DLGAP1: variants seen among roughly 807,000 people sequenced by gnomAD.
DLGAP1 encodes the protein DLG associated protein 1, also known as disks large-associated protein 1.
DLGAP1 carries 11 observed loss-of-function variants against 90.8 expected under a neutral mutation model. The observed-to-expected ratio is 0.12, with a 90% CI of 0.08 to 0.20. The LOEUF is 0.20. DLGAP1 is among the 10% of genes least tolerant of loss of function. The pLI is 1.00. For synonymous variants in DLGAP1, 558 were observed against 540.7 expected, an observed-to-expected ratio of 1.03 and a Z score of -0.44; for missense variants, 1,050 against 1,333.8, an observed-to-expected ratio of 0.79 and a Z score of 3.31.
intron 1 of DLGAP1, among the ~76,000 whole-genome samples, chr18:4,406,002 T>C (rs935879929): frequency 2.6e-5 from 4 of 152,244 alleles, no homozygotes; most frequent in African/African-American, 9.6e-5. Context: ...TGGAATTTTC[T>C]GGGGTATTTA....
intron 3 of DLGAP1, among the ~76,000 whole-genome samples, chr18:3,994,729 C>T (rs1323233948): frequency 2.0e-5 from 3 of 152,136 alleles, no homozygotes; most frequent in Non-Finnish European, 2.9e-5. Flanking sequence ...ATGACCAGAA[C>T]CACCTGCTGC....
rs79664268 is a variant in DLGAP1 at position 3,554,685 on chromosome 18, G to T, written c.2057+12805C>A. Among the ~76,000 whole-genome samples the T allele has an allele frequency of 8.8e-3, 1,341 of 152,288 alleles. 30 individuals carry two copies. The highest frequency in any genetic ancestry group is 0.031 in the African/African-American group (1,276 of 41,548). ...ATTGAAGCAGATAGGGCTACCTGGT[G>T]CATTTTAGTTTTTACTAATGAGTTT... On this transcript the variant is annotated intron_variant, in intron 9 of 12. Transcript: ENST00000315677.
Position 4,396,174 on chromosome 18 carries a change from C to T in DLGAP1, c.-267+58832G>A, listed in dbSNP as rs189146256. Among the ~76,000 whole-genome samples the T allele has an allele frequency of 2.7e-4, 41 of 152,302 alleles. 1 individual carries two copies. Among genetic ancestry groups the T allele is most frequent in the East Asian group, 1.5e-3 (8 of 5,186 alleles). On this transcript the variant is annotated intron_variant, in intron 1 of 12. Transcript: ENST00000315677. ...AAATACAAATTTAACATTCAATCCCCAGTCCGAGGAAGAAAAGTGTAAAGA... is the reference window on the plus strand; with the variant it reads ...AAATACAAATTTAACATTCAATCCCTAGTCCGAGGAAGAAAAGTGTAAAGA...
intron 7 of DLGAP1, chr18:3,721,835 C>G (rs1362497060): frequency 1.3e-5 from 2 of 152,100 alleles, no homozygotes; most frequent in Non-Finnish European, 2.9e-5. Context: ...GTTGTGTAAC[C>G]TCTCTAAGTC....
chr18:3,575,299 AAAAT>A (rs2055058064), intron 8 of DLGAP1, among the ~76,000 whole-genome samples: 1 of 152,210 alleles, frequency 6.6e-6, no homozygotes, highest in South Asian at 2.1e-4. Flanking sequence ...AGTATGATCT[AAAAT>A]AACTAAATTT....
chr18:4,061,174 G>A (rs549505749), intron 2 of DLGAP1, among the ~76,000 whole-genome samples: 1 of 152,176 alleles, frequency 6.6e-6, no homozygotes, highest in African/African-American at 2.4e-5. Context: ...AGAGTTAACA[G>A]TGTAACATGT....
intron 3 of DLGAP1, among the ~76,000 whole-genome samples, chr18:3,894,453 T>C (rs1358317541): frequency 6.6e-6 from 1 of 152,224 alleles, no homozygotes; most frequent in Non-Finnish European, 1.5e-5. Context: ...CTTAGCACCA[T>C]TTATGGAATA....
intron 4 of DLGAP1, among the ~76,000 whole-genome samples, chr18:3,844,552 T>C (rs930028944): frequency 6.6e-6 from 1 of 152,194 alleles, no homozygotes; most frequent in Non-Finnish European, 1.5e-5. Context: ...CAGAGAGAGC[T>C]GATGGTTTCT....
At chr18:3,795,623 T>A (rs2065955738) in intron 5 of DLGAP1, among the ~76,000 whole-genome samples, 1 of 152,180 alleles carries the variant, frequency 6.6e-6, no homozygotes, top group Non-Finnish European at 1.5e-5. Flanking sequence ...CTGTTTTCTA[T>A]TTTTAAATTT....
chr18:3,922,498 G>A lies in DLGAP1; in HGVS notation c.-72-42358C>T, dbSNP rs138970298. The stretch of plus-strand genomic sequence containing the variant: ...TTGGATTCCATTCCCCATTGTTAAC[G>A]GTTTTTCTTTTGTGTCATGCACAAA... On this transcript the variant is annotated intron_variant, in intron 3 of 12. Transcript: ENST00000315677. 1.6e-4 allele frequency among the ~76,000 whole-genome samples: 24 copies of A among 152,176 alleles called. No homozygotes were observed. In the South Asian group the frequency reaches 3.1e-3, roughly 20 times the overall value.
chr18:4,008,480 G>A (rs553351069), intron 2 of DLGAP1, among the ~76,000 whole-genome samples: 18 of 152,252 alleles, frequency 1.2e-4, no homozygotes, highest in African/African-American at 3.9e-4. Flanking sequence ...GAAAGCTGTC[G>A]TGTCTTGTAT....
chr18:4,343,096 A>G (rs966609268), intron 1 of DLGAP1, among the ~76,000 whole-genome samples: 3 of 152,030 alleles, frequency 2.0e-5, no homozygotes, highest in African/African-American at 7.2e-5. Context: ...TCACGAGGTC[A>G]GGAGGTCGAG....
At chr18:3,855,397 T>C (rs2069578748) in intron 4 of DLGAP1, among the ~76,000 whole-genome samples, 1 of 152,048 alleles carries the variant, frequency 6.6e-6, no homozygotes, top group Admixed American at 6.6e-5. Context: ...AATTTGCCTA[T>C]GTAATAAACC....
intron 3 of DLGAP1, among the ~76,000 whole-genome samples, chr18:3,956,280 C>T (rs930853744): frequency 6.6e-5 from 10 of 152,254 alleles, no homozygotes; most frequent in East Asian, 1.9e-4. Flanking sequence ...AAATCTATAC[C>T]GAAGAAAATG....
chr18:3,592,716 C>T (rs1475827220), intron 7 of DLGAP1, among the ~76,000 whole-genome samples: 1 of 151,128 alleles, frequency 6.6e-6, no homozygotes, highest in African/African-American at 2.4e-5. Context: ...TGGTGGTGCA[C>T]GCCTGAAGTC....
In DLGAP1 at chr18:4,024,565, G is replaced by A. The variant is rs565389396; in HGVS notation, c.-158-19364C>T. 3.9e-5 allele frequency among the ~76,000 whole-genome samples: 6 copies of A among 152,290 alleles called. No homozygotes were observed. In the South Asian group the frequency reaches 1.2e-3, roughly 32 times the overall value. The stretch of plus-strand genomic sequence containing the variant: ...GTGACATGTCTGTTCGTGCTCACAA[G>A]CTGGCATTAAAGCAACTCACGTGGC... On this transcript the variant is annotated intron_variant, in intron 2 of 12. Transcript: ENST00000315677.
At chr18:3,793,618 A>C (rs1057257834) in intron 5 of DLGAP1, among the ~76,000 whole-genome samples, 1 of 152,098 alleles carries the variant, frequency 6.6e-6, no homozygotes, top group Admixed American at 6.5e-5. Flanking sequence ...CCCGTGGCCC[A>C]TGCTGTCTGG....
chr18:4,289,020 G>C (rs536474941), intron 1 of DLGAP1, among the ~76,000 whole-genome samples: 71 of 152,132 alleles, frequency 4.7e-4, no homozygotes, highest in Admixed American at 1.7e-3. Context: ...TGAAGTGTCT[G>C]GACAAATATG....
chr18:3,960,474 G>C (rs1486920181), intron 3 of DLGAP1, among the ~76,000 whole-genome samples: 1 of 151,690 alleles, frequency 6.6e-6, no homozygotes, highest in African/African-American at 2.4e-5. Context: ...GGAAGAGGGG[G>C]TTGATGGGGG....
Sources: allele counts gnomAD v4.1 joint callset (sites outside exome capture counted in the v4.1 genomes callset), GRCh38; gene constraint gnomAD v4.1.1; transcripts MANE v1.5; gene names NCBI Gene and HGNC (gene_info 2026-07-23, HGNC 2026-07-21).